Variants in PSMC4 observed in about 807,000 individuals in gnomAD.
The protein encoded by PSMC4 is 26S proteasome regulatory subunit 6B.
PSMC4 carries 13 observed loss-of-function variants against 48.4 expected under a neutral mutation model. The observed-to-expected ratio is 0.27, with a 90% CI of 0.18 to 0.43. The LOEUF is 0.43. PSMC4 is among the 20% of genes least tolerant of loss of function. The pLI, the probability that PSMC4 is intolerant of heterozygous loss-of-function variation, is 1.00. For missense variants in PSMC4, 262 were observed against 555.9 expected, an observed-to-expected ratio of 0.47 and a Z score of 5.32; for synonymous variants, 202 against 212.3, an observed-to-expected ratio of 0.95 and a Z score of 0.42.
In PSMC4 at chr19:39,980,468, GA is replaced by G; in HGVS notation, c.1087+16del. 1 of 1,613,632 alleles carries G rather than the reference GA, an allele frequency of 6.2e-7. No individual in the cohort carries two copies. Among genetic ancestry groups the G allele is most frequent in the Non-Finnish European group, 8.5e-7 (1 of 1,179,748 alleles). On this transcript the variant is annotated intron_variant, in intron 9 of 10. Transcript: ENST00000157812. This position sits in a 1 kb window ranked among gnomAD's most constrained non-coding sequence, Gnocchi z 4.8. ...ACTTGGAAGACTGTATCCTGCTCCA[GA>G]AGTCAGGGAGGGGCCCTAGTTGGGA...
Position 39,974,854 on chromosome 19 carries a change from G to A in PSMC4, c.673+26G>A. 6.3e-7 allele frequency: 1 copy of A among 1,592,778 alleles called. No homozygotes were observed. The highest frequency in any genetic ancestry group is 8.6e-7 in the Non-Finnish European group (1 of 1,162,036). ...GTGAGCCCTTTCGCCCCTGCCCCGAGCTCTCATCTTCTGGCCTCTTCGCCT... is the reference window on the plus strand; with the variant it reads ...GTGAGCCCTTTCGCCCCTGCCCCGAACTCTCATCTTCTGGCCTCTTCGCCT... On this transcript the variant is annotated intron_variant, in intron 6 of 10. Coordinates refer to ENST00000157812, the MANE Select transcript of PSMC4 (RefSeq NM_006503.4). The surrounding 1 kb of genome is among the most constrained non-coding windows in gnomAD (Gnocchi z 5.5).
rs561552131 is a variant in PSMC4 at position 39,971,637 on chromosome 19, G to C, written c.36+399G>C. On this transcript the variant is annotated intron_variant, in intron 1 of 10. Coordinates refer to ENST00000157812, the MANE Select transcript of PSMC4 (RefSeq NM_006503.4). The stretch of plus-strand genomic sequence containing the variant: ...ACTGATGTTCAGGGCTTTGCTGATG[G>C]GGGTAATGGGGCGGGTAGTTAAGTA... 3.9e-5 allele frequency among the ~76,000 whole-genome samples: 6 copies of C among 152,276 alleles called. No homozygotes were observed. The South Asian group carries it at 1.0e-3, about 26-fold the overall frequency.
chr19:39,980,675 A>G lies in PSMC4; in HGVS notation c.1101A>G (p.Pro367=). 2 of 1,614,090 alleles carry G rather than the reference A, an allele frequency of 1.2e-6. No individual in the cohort carries two copies. Among genetic ancestry groups the G allele is most frequent in the Non-Finnish European group, 1.7e-6 (2 of 1,179,998 alleles). ...AACTCGCTGCAGATGTGGCCCGGCCAGATAAGATTTCAGGAGCTGATATTA... is the reference window on the plus strand; with the variant it reads ...AACTCGCTGCAGATGTGGCCCGGCCGGATAAGATTTCAGGAGCTGATATTA... The part of the protein sequence containing the change: ...EVDLEDYVAR[P]DKISGADINS... Residue 367 remains proline (P), a synonymous_variant, in exon 10 of 11, where the codon CCA becomes CCG. Transcript: ENST00000157812. The surrounding 1 kb of genome is among the most constrained non-coding windows in gnomAD (Gnocchi z 4.8).
At chr19:39,975,855 T>C (rs1971188668) in intron 6 of PSMC4, among the ~76,000 whole-genome samples, 1 of 152,144 alleles carries the variant, frequency 6.6e-6, no homozygotes, top group African/African-American at 2.4e-5. Context: ...ATCAGAGATG[T>C]CCCTTGCCTT....
intron 3 of PSMC4, among the ~76,000 whole-genome samples, chr19:39,972,999 C>T (rs994291149): frequency 9.9e-5 from 15 of 152,132 alleles, no homozygotes; most frequent in Non-Finnish European, 1.9e-4. Flanking sequence ...ACCCGCCTCA[C>T]CCTCCGAAAG....
At chr19:39,972,624 C>G in intron 3 of PSMC4, 69 bp downstream of exon 3, 1 of 1,450,326 alleles carries the variant, frequency 6.9e-7, no homozygotes, top group Non-Finnish European at 9.3e-7. Flanking sequence ...TGCTAGGCAG[C>G]AGCAAACAAG....
intron 6 of PSMC4, among the ~76,000 whole-genome samples, chr19:39,978,595 A>G (rs901200575): frequency 6.6e-6 from 1 of 152,178 alleles, no homozygotes; most frequent in African/African-American, 2.4e-5. Flanking sequence ...AGCTTATGAC[A>G]TAAAACCACT....
chr19:39,976,265 A>G (rs1357409491), intron 6 of PSMC4, among the ~76,000 whole-genome samples: 3 of 143,302 alleles, frequency 2.1e-5, no homozygotes, highest in African/African-American at 7.6e-5. Flanking sequence ...ATATATATAT[A>G]TATATTAATT....
In PSMC4 at chr19:39,974,936, T is replaced by C. The variant is rs1971173940; in HGVS notation, c.673+108T>C. ...TAATTAGAAACAGACTCTGGGGTCATAGCCCACGTGTGCATGTTACTGGCT... is the reference window on the plus strand; with the variant it reads ...TAATTAGAAACAGACTCTGGGGTCACAGCCCACGTGTGCATGTTACTGGCT... On this transcript the variant is annotated intron_variant, in intron 6 of 10. Coordinates refer to ENST00000157812, the MANE Select transcript of PSMC4 (RefSeq NM_006503.4). The surrounding 1 kb of genome is among the most constrained non-coding windows in gnomAD (Gnocchi z 5.5). 12 of 1,089,224 alleles carry C rather than the reference T, an allele frequency of 1.1e-5. No homozygotes were observed. The East Asian group carries it at 2.8e-4, about 26-fold the overall frequency. 67.5% of individuals were successfully genotyped at this position (1,089,224 alleles called of 1,614,324 possible).
rs1391667175 is a variant in PSMC4 at position 39,974,663 on chromosome 19, G to GA, written c.579+31dup. On this transcript the variant is annotated intron_variant, in intron 5 of 10. Transcript: ENST00000157812. This position sits in a 1 kb window ranked among gnomAD's most constrained non-coding sequence, Gnocchi z 5.5. ...GGCGGTGCAGGTGGCAGGGAAGGGA[G>GA]AGGCCCCATTGGGTCTGGGGTTGGA... 3.1e-6 allele frequency: 5 copies of GA among 1,612,684 alleles called. No individual in the cohort carries two copies. The highest frequency in any genetic ancestry group is 4.5e-5 in the East Asian group (2 of 44,864).
In PSMC4 at chr19:39,980,776, G is replaced by A. The variant is rs1971275921; in HGVS notation, c.1143+59G>A. ...GGGTGTGTGAGGACCCTTCTTCTCT[G>A]AACCACTCTGCTGCAGTCCTGTCCC... On this transcript the variant is annotated intron_variant, in intron 10 of 10. Transcript: ENST00000157812. This position sits in a 1 kb window ranked among gnomAD's most constrained non-coding sequence, Gnocchi z 4.8. The A allele has an allele frequency of 2.6e-6, 4 of 1,544,832 alleles. No homozygotes were observed. The highest frequency in any genetic ancestry group is 3.6e-6 in the Non-Finnish European group (4 of 1,117,538).
At position 39,980,499 on chromosome 19, in the gene PSMC4, G is replaced by A. The variant is rs751042109; in HGVS notation, c.1087+45G>A. The A allele has an allele frequency of 3.1e-6, 5 of 1,607,624 alleles. No homozygotes were observed. The highest frequency in any genetic ancestry group is 4.3e-6 in the Non-Finnish European group (5 of 1,174,956). On this transcript the variant is annotated intron_variant, in intron 9 of 10. Coordinates refer to ENST00000157812, the MANE Select transcript of PSMC4 (RefSeq NM_006503.4). This position sits in a 1 kb window ranked among gnomAD's most constrained non-coding sequence, Gnocchi z 4.8. Reference sequence around the variant, plus strand: ...AGGGAGGGGCCCTAGTTGGGAACGGGGATTAGATCTTCAGCTCAACTTCTG... The same window carrying A: ...AGGGAGGGGCCCTAGTTGGGAACGGAGATTAGATCTTCAGCTCAACTTCTG...
chr19:39,973,581 T>TAA lies in PSMC4; in HGVS notation c.323-691_323-690dup, dbSNP rs11320252. Reference sequence around the variant, plus strand: ...CTGGGTGACAGAGCAACACTCTGTCTAAAAAAAAAAAAAAAAAAAAAAATA... The same window carrying TAA: ...CTGGGTGACAGAGCAACACTCTGTCTAAAAAAAAAAAAAAAAAAAAAAAAATA... On this transcript the variant is annotated intron_variant, in intron 3 of 10. Coordinates refer to ENST00000157812, the MANE Select transcript of PSMC4 (RefSeq NM_006503.4). Among the ~76,000 whole-genome samples the TAA allele has an allele frequency of 5.1e-3, 499 of 96,954 alleles. 6 individuals are homozygous for TAA. Among genetic ancestry groups the TAA allele is most frequent in the South Asian group, 0.04 (109 of 2,752 alleles). 63.6% of individuals were successfully genotyped at this position (96,954 alleles called of 152,430 possible).
intron 6 of PSMC4, among the ~76,000 whole-genome samples, chr19:39,977,146 C>T (rs1289172230): frequency 6.6e-6 from 1 of 152,030 alleles, no homozygotes; most frequent in Non-Finnish European, 1.5e-5. Flanking sequence ...AGCCACTGCA[C>T]CCGGCTGTGA....
chr19:39,977,156 ATT>A (rs201279892), intron 6 of PSMC4, among the ~76,000 whole-genome samples: 7 of 147,904 alleles, frequency 4.7e-5, no homozygotes, highest in African/African-American at 1.7e-4. Context: ...CCCGGCTGTG[ATT>A]TTTTTTTTTA....
chr19:39,974,956 C>T lies in PSMC4; in HGVS notation c.673+128C>T, dbSNP rs1172237571. Reference sequence around the variant, plus strand: ...GGTCATAGCCCACGTGTGCATGTTACTGGCTGTGCTGACTTCACCTCCTTG... The same window carrying T: ...GGTCATAGCCCACGTGTGCATGTTATTGGCTGTGCTGACTTCACCTCCTTG... On this transcript the variant is annotated intron_variant, in intron 6 of 10. Transcript: ENST00000157812. The surrounding 1 kb of genome is among the most constrained non-coding windows in gnomAD (Gnocchi z 5.5). The T allele has an allele frequency of 2.6e-5, 23 of 890,368 alleles. No individual in the cohort carries two copies. The Admixed American group carries it at 5.5e-4, about 21-fold the overall frequency. The allele number at this position is 890,368 out of a possible 1,614,324, so 55.2% of individuals were successfully genotyped here.
chr19:39,974,863 T>A lies in PSMC4; in HGVS notation c.673+35T>A, dbSNP rs368237983. The A allele has an allele frequency of 1.9e-6, 3 of 1,569,286 alleles. No homozygotes were observed. The African/African-American group carries it at 4.1e-5, about 21-fold the overall frequency. ...TTCGCCCCTGCCCCGAGCTCTCATC[T>A]TCTGGCCTCTTCGCCTTGCTCCCTG... On this transcript the variant is annotated intron_variant, in intron 6 of 10. Coordinates refer to ENST00000157812, the MANE Select transcript of PSMC4 (RefSeq NM_006503.4). The surrounding 1 kb of genome is among the most constrained non-coding windows in gnomAD (Gnocchi z 5.5).
In PSMC4 at chr19:39,972,491, G is replaced by T. The variant is rs559887675; in HGVS notation, c.258G>T (p.Pro86=). ...AGGTGAAGCGAATCCAAAGCATCCC[G>T]CTGGTCATCGGACAATTTCTGGAGG... is the stretch of plus-strand genomic sequence containing the variant. ...QEEVKRIQSI[P]LVIGQFLEAV... Residue 86 remains proline (P), a synonymous_variant, in exon 3 of 11, where the codon CCG becomes CCT. Transcript: ENST00000157812. The T allele has an allele frequency of 6.2e-7, 1 of 1,614,100 alleles. No individual in the cohort carries two copies. The highest frequency in any genetic ancestry group is 1.1e-5 in the South Asian group (1 of 91,082).
rs1392216535 is a variant in PSMC4 at position 39,974,788 on chromosome 19, G to A, written c.633G>A (p.Gly211=). 1.2e-6 allele frequency: 2 copies of A among 1,614,070 alleles called. No individual in the cohort carries two copies. The highest frequency in any genetic ancestry group is 3.3e-5 in the Admixed American group (2 of 60,004). The change falls in exon 6 of 11, where the codon GGG becomes GGA. Residue 211 remains glycine (G), a synonymous_variant. Transcript: ENST00000157812. The surrounding 1 kb of genome is among the most constrained non-coding windows in gnomAD (Gnocchi z 5.5). ...GVLMYGPPGC[G]KTMLAKAVAH... ...TCATGTATGGCCCACCTGGCTGTGGGAAGACCATGTTGGCAAAGGCGGTGG... is the reference window on the plus strand; with the variant it reads ...TCATGTATGGCCCACCTGGCTGTGGAAAGACCATGTTGGCAAAGGCGGTGG...
Sources: gnomAD v4.1 joint callset for allele counts (sites outside exome capture counted in the v4.1 genomes callset) on GRCh38, gnomAD v4.1.1 for gene constraint, Gnocchi (gnomAD v3.1) non-coding constraint, MANE v1.5 for transcripts, NCBI Gene and HGNC (gene_info 2026-07-23, HGNC 2026-07-21) for gene names.